The following SMARCD3 variants were observed in gnomAD, a reference collection of about 807,000 sequenced individuals.
SMARCD3 encodes the protein SWI/SNF-related matrix-associated actin-dependent regulator of chromatin subfamily D member 3.
SMARCD3 carries 14 observed loss-of-function variants against 58.0 expected under a neutral mutation model. That is an observed-to-expected ratio of 0.24 (90% CI 0.16 to 0.38). The LOEUF (loss-of-function observed/expected upper bound fraction) is 0.38. SMARCD3 is among the 10% of genes least tolerant of loss of function. The pLI is 1.00. For synonymous variants in SMARCD3, 253 were observed against 253.8 expected, an observed-to-expected ratio of 1.00 and a Z score of 0.03; for missense variants, 408 against 636.9, an observed-to-expected ratio of 0.64 and a Z score of 3.87.
chr7:151,240,384 G>C (rs990676609), intron 9 of SMARCD3, 41 bp downstream of exon 9: 2 of 1,582,024 alleles, frequency 1.3e-6, no homozygotes, highest in Middle Eastern at 1.7e-4. Context: ...GCAGGAACGA[G>C]ATCATTCCCT....
chr7:151,249,631 C>T (rs1190153621), upstream of SMARCD3, among the ~76,000 whole-genome samples: 3 of 133,526 alleles, frequency 2.2e-5, no homozygotes, highest in East Asian at 7.4e-4. The surrounding 1 kb of genome is among the most constrained non-coding windows in gnomAD (Gnocchi z 4.8). Context: ...ACGAGGCAAG[C>T]TGGGCTTGGT....
At chr7:151,240,089 C>T (rs757843059) in intron 10 of SMARCD3, 23 bp downstream of exon 10, 7 of 1,613,484 alleles carry the variant, frequency 4.3e-6, no homozygotes, top group Non-Finnish European at 5.9e-6. Context: ...ATGTCCCACT[C>T]CAGCTCTGGG....
At chr7:151,250,974 A>T (rs1266778745), upstream of SMARCD3, among the ~76,000 whole-genome samples, 4 of 152,164 alleles carry the variant, frequency 2.6e-5, no homozygotes, top group Non-Finnish European at 5.9e-5. Context: ...CAGGCCTTGG[A>T]GGTTCTGGGG....
rs546652220 is a variant in SMARCD3, at chr7:151,269,528, T to C, written c.39+5586A>G. 3.2e-4 allele frequency among the ~76,000 whole-genome samples: 49 copies of C among 152,130 alleles called. No individual in the cohort carries two copies. The South Asian group carries it at 0.01, about 32-fold the overall frequency. On this transcript the variant is annotated intron_variant, in intron 2 of 13. Coordinates refer to the SMARCD3 transcript ENST00000356800. ...ACTGCATCAGGCTGGATGGGAGCTG[T>C]GGGCTGGAAAGATGGGCTAAAGCTA...
chr7:151,273,839 C>T (rs369761940), intron 2 of SMARCD3, among the ~76,000 whole-genome samples: 2 of 152,296 alleles, frequency 1.3e-5, no homozygotes, highest in Admixed American at 6.5e-5. Context: ...AAGCCGGTGC[C>T]CTGCCCCATT....
Position 151,241,388 on chromosome 7 carries a change from C to A in SMARCD3, c.939+104G>T. 1.0e-6 allele frequency: 1 copy of A among 982,692 alleles called. No individual in the cohort carries two copies. The highest frequency in any genetic ancestry group is 1.6e-6 in the Non-Finnish European group (1 of 631,102). 60.9% of individuals were successfully genotyped at this position (982,692 alleles called of 1,614,324 possible). On this transcript the variant is annotated intron_variant, in intron 8 of 12. Transcript: ENST00000262188. This position sits in a 1 kb window ranked among gnomAD's most constrained non-coding sequence, Gnocchi z 5.3. ...ATGACTGTGTACTGCTTCTGCTACT[C>A]AGGAATCTAGAAGGGAGGGGTGGTA... is the stretch of plus-strand genomic sequence containing the variant.
Position 151,248,383 on chromosome 7 carries a change from G to C in SMARCD3, c.78+102C>G. On this transcript the variant is annotated intron_variant, in intron 1 of 12. Transcript: ENST00000262188. The surrounding 1 kb of genome is among the most constrained non-coding windows in gnomAD (Gnocchi z 6.1). ...GTGGGCCATGACGCCCCCCACTAGAGGGGTGGGAGAGCGGGAGCGCCCTCC... is the reference window on the plus strand; with the variant it reads ...GTGGGCCATGACGCCCCCCACTAGACGGGTGGGAGAGCGGGAGCGCCCTCC... 1 of 1,008,080 alleles carries C rather than the reference G, an allele frequency of 9.9e-7. No individual in the cohort carries two copies. Among genetic ancestry groups the C allele is most frequent in the Non-Finnish European group, 1.5e-6 (1 of 649,320 alleles). 62.4% of individuals were successfully genotyped at this position (1,008,080 alleles called of 1,614,324 possible).
Position 151,245,519 on chromosome 7 carries a change from C to T in SMARCD3, c.231G>A (p.Gly77=). The T allele has an allele frequency of 8.2e-7, 1 of 1,223,164 alleles. No homozygotes were observed. Among genetic ancestry groups the T allele is most frequent in the East Asian group, 3.2e-5 (1 of 31,266 alleles). 75.8% of individuals were successfully genotyped at this position (1,223,164 alleles called of 1,614,324 possible). A position where few individuals can be genotyped will look rare whatever the true frequency, so the allele number is the denominator to read the frequency against. Residue 77 remains glycine (G), a synonymous_variant, in exon 2 of 13, where the codon GGG becomes GGA. Transcript: ENST00000262188. This position sits in a 1 kb window ranked among gnomAD's most constrained non-coding sequence, Gnocchi z 6.2. The part of the protein sequence containing the change: ...PARKRAAPPP[G]QSQAQSQGQP... ...GGCCCTGGCTCTGTGCCTGGCTCTG[C>T]CCGGGCGGGGGCGCTGCTCGCTTGC...
intron 1 of SMARCD3, among the ~76,000 whole-genome samples, chr7:151,247,140 A>T (rs1803306396): frequency 6.6e-6 from 1 of 152,066 alleles, no homozygotes; most frequent in Non-Finnish European, 1.5e-5. Context: ...CCTCCAGGGT[A>T]GCAGCCCAGA....
At position 151,246,144 on chromosome 7, in the gene SMARCD3, G is replaced by C. The variant is rs1270710561; in HGVS notation, c.79-473C>G. ...CAGCCCCTGAAGGGCTGCCTCCTGG[G>C]GGCCCAGGGCTTTGCTCTCTGCGGC... On this transcript the variant is annotated intron_variant, in intron 1 of 12. Transcript: ENST00000262188. This position sits in a 1 kb window ranked among gnomAD's most constrained non-coding sequence, Gnocchi z 4.4. 6.6e-6 allele frequency: 1 copy of C among 152,188 alleles called. No individual in the cohort carries two copies. The highest frequency in any genetic ancestry group is 2.4e-5 in the African/African-American group (1 of 41,406). The allele number at this position is 152,188 out of a possible 1,614,324, so 9.4% of individuals were successfully genotyped here.
Position 151,248,663 on chromosome 7 carries a change from T to C in SMARCD3, c.-101A>G. Reference sequence around the variant, plus strand: ...TCCAACTCTCCCCTCTGAGTCCTGCTGGGCTCTCTCACACTTCTACTCGAG... The same window carrying C: ...TCCAACTCTCCCCTCTGAGTCCTGCCGGGCTCTCTCACACTTCTACTCGAG... On this transcript the variant is annotated 5_prime_UTR_variant, in exon 1 of 13. Transcript: ENST00000262188. The surrounding 1 kb of genome is among the most constrained non-coding windows in gnomAD (Gnocchi z 6.1). 12 of 1,541,296 alleles carry C rather than the reference T, an allele frequency of 7.8e-6. No individual in the cohort carries two copies. The highest frequency in any genetic ancestry group is 8.8e-6 in the Non-Finnish European group (10 of 1,140,144).
rs748895180 is a variant in SMARCD3, at chr7:151,240,133, C to T, written c.1152G>A (p.Glu384=). The T allele has an allele frequency of 1.2e-5, 20 of 1,614,042 alleles. No individual in the cohort carries two copies. The highest frequency in any genetic ancestry group is 3.3e-4 in the Middle Eastern group (2 of 6,084). ...CCACCTTACTGTCCAGAGCACTGAT[C>T]TCCTGCTGGTTGGCCGTGGATAGGA... The part of the protein sequence containing the change: ...SFLLSTANQQ[E]ISALDSKIHE... Residue 384 remains glutamate (E), a synonymous_variant, in exon 10 of 13, where the codon GAG becomes GAA. Transcript: ENST00000262188.
upstream of SMARCD3, among the ~76,000 whole-genome samples, chr7:151,251,975 A>G (rs1191650899): frequency 6.7e-6 from 1 of 149,922 alleles, no homozygotes; most frequent in Non-Finnish European, 1.5e-5. Flanking sequence ...CGGCCTGGGC[A>G]TGCGCGCCGC....
intron 2 of SMARCD3, among the ~76,000 whole-genome samples, chr7:151,265,041 C>T (rs370205228): frequency 2.6e-5 from 4 of 152,164 alleles, no homozygotes; most frequent in South Asian, 2.1e-4. Context: ...CTGACCATCT[C>T]GCTCCTCTGT....
chr7:151,257,641 T>C (rs1424850580), intron 2 of SMARCD3, among the ~76,000 whole-genome samples: 1 of 152,076 alleles, frequency 6.6e-6, no homozygotes, highest in Non-Finnish European at 1.5e-5. Context: ...TAACACTCTG[T>C]CCTCTTTCAA....
At chr7:151,276,802 A>T (rs1414151683), upstream of SMARCD3, 1 of 107,980 alleles carries the variant, frequency 9.3e-6, no homozygotes, top group African/African-American at 3.6e-5. Context: ...GCCAGGCAGG[A>T]GAAGGAGGGG....
chr7:151,266,983 GA>G (rs1804101557), intron 2 of SMARCD3, among the ~76,000 whole-genome samples: 1 of 152,186 alleles, frequency 6.6e-6, no homozygotes, highest in Admixed American at 6.5e-5. Context: ...AAAGCGCTGG[GA>G]TTACAGGCCC....
At position 151,245,627 on chromosome 7, in the gene SMARCD3, C is replaced by T. The variant is rs1803222165; in HGVS notation, c.123G>A (p.Ala41=). 1 of 1,186,008 alleles carries T rather than the reference C, an allele frequency of 8.4e-7. No homozygotes were observed. Among genetic ancestry groups the T allele is most frequent in the Non-Finnish European group, 1.1e-6 (1 of 946,880 alleles). The allele number at this position is 1,186,008 out of a possible 1,614,324, so 73.5% of individuals were successfully genotyped here. ...ACGGGGAGCCCGGGGGGCCCATGGG[C>T]GCCCCCTGGTGGGGCATCCGGGCTC... ...PSGARMPHQG[A]PMGPPGSPYM... The change falls in exon 2 of 13, where the codon GCG becomes GCA. Residue 41 remains alanine, a synonymous_variant. Coordinates refer to ENST00000262188, the MANE Select transcript of SMARCD3 (RefSeq NM_001003801.2). This position sits in a 1 kb window ranked among gnomAD's most constrained non-coding sequence, Gnocchi z 6.2.
intron 2 of SMARCD3, among the ~76,000 whole-genome samples, chr7:151,272,872 C>G (rs1198635356): frequency 6.6e-6 from 1 of 152,180 alleles, no homozygotes; most frequent in African/African-American, 2.4e-5. Flanking sequence ...TACAGCAATT[C>G]CAGATGGTTA....
Sources: gnomAD v4.1 joint callset for allele counts (sites outside exome capture counted in the v4.1 genomes callset) on GRCh38, gnomAD v4.1.1 for gene constraint, Gnocchi (gnomAD v3.1) non-coding constraint, MANE v1.5 for transcripts, NCBI Gene and HGNC (gene_info 2026-07-23, HGNC 2026-07-21) for gene names.